ELP4: variants seen among roughly 807,000 people sequenced by gnomAD.
ELP4 encodes the protein elongator complex protein 4.
Under a neutral mutation model 48.9 loss-of-function variants are expected in ELP4, and 51 were observed. That is an observed-to-expected ratio of 1.04 (90% CI 0.83 to 1.32). ELP4 has a LOEUF of 1.32. Ranked by LOEUF, ELP4 falls within the 40% of genes most tolerant of loss-of-function variation. ELP4 has a pLI of 0.00. For synonymous variants in ELP4, 210 were observed against 189.2 expected, an observed-to-expected ratio of 1.11 and a Z score of -0.90; for missense variants, 519 against 514.6, an observed-to-expected ratio of 1.01 and a Z score of -0.08.
At chr11:31,697,187 C>A (rs538357736) in intron 9 of ELP4, among the ~76,000 whole-genome samples, 1 of 152,132 alleles carries the variant, frequency 6.6e-6, no homozygotes, top group South Asian at 2.1e-4. Flanking sequence ...TACAAAGAGA[C>A]TTAGACTCCC....
intron 9 of ELP4, among the ~76,000 whole-genome samples, chr11:31,743,786 A>G (rs1376657395): frequency 5.9e-5 from 9 of 152,120 alleles, no homozygotes; most frequent in South Asian, 2.1e-4. Flanking sequence ...ATGCCCACAA[A>G]AGAAAGCAGG....
rs181866190 is a variant in ELP4 at position 31,591,218 on chromosome 11, A to G, written c.382-3552A>G. Among the ~76,000 whole-genome samples the G allele has an allele frequency of 4.0e-3, 609 of 152,042 alleles. 5 individuals are homozygous for G. Among genetic ancestry groups the G allele is most frequent in the Non-Finnish European group, 4.3e-3 (294 of 67,972 alleles). ...TCAGGAGATTGAAACTATCCTGGCT[A>G]ACATGGTGAAACCCTGTCTCCACTA... On this transcript the variant is annotated intron_variant, in intron 3 of 9. Coordinates refer to ENST00000640961, the MANE Select transcript of ELP4 (RefSeq NM_019040.5).
intron 9 of ELP4, among the ~76,000 whole-genome samples, chr11:31,738,018 G>T (rs79629709): frequency 6.6e-6 from 1 of 152,000 alleles, no homozygotes; most frequent in Admixed American, 6.6e-5. Context: ...ATCCATAATA[G>T]CCAAGAGGTG....
rs375770538 is a variant in ELP4, at chr11:31,618,256, A to G, written c.654-8854A>G. Among the ~76,000 whole-genome samples the G allele has an allele frequency of 3.9e-4, 60 of 152,256 alleles. No homozygotes were observed. In the South Asian group the frequency reaches 0.012, roughly 31 times the overall value. ...GTCTGTTTTGTGCTGCTATAACACA[A>G]TACCGTAGACTAAGTAATGTATAAA... On this transcript the variant is annotated intron_variant, in intron 5 of 9. Coordinates refer to ENST00000640961, the MANE Select transcript of ELP4 (RefSeq NM_019040.5).
At chr11:31,566,094 A>T (rs746515505) in intron 3 of ELP4, among the ~76,000 whole-genome samples, 1 of 152,084 alleles carries the variant, frequency 6.6e-6, no homozygotes, top group Non-Finnish European at 1.5e-5. Context: ...TAAGGCTCAT[A>T]TAAGTGTAAT....
In ELP4 at chr11:31,603,806, T is replaced by C. The variant is rs1230963835; in HGVS notation, c.552T>C (p.Tyr184=). The C allele has an allele frequency of 1.2e-6, 2 of 1,611,218 alleles. No individual in the cohort carries two copies. The highest frequency in any genetic ancestry group is 1.1e-5 in the South Asian group (1 of 90,822). Residue 184 remains tyrosine, a synonymous_variant, in exon 5 of 10, where the codon TAT becomes TAC. Transcript: ENST00000640961. The part of the protein sequence containing the change: ...PVSSSRFGHY[Y]DASKRMPQEL... ...CATCTTCAAGATTTGGTCACTATTA[T>C]GATGCATCAAAAAGAATGCCACAAG...
At chr11:31,576,621 T>C (rs889131494) in intron 3 of ELP4, among the ~76,000 whole-genome samples, 4 of 152,114 alleles carry the variant, frequency 2.6e-5, no homozygotes, top group South Asian at 4.1e-4. Context: ...CAAACTAGAA[T>C]GCAGGATTAA....
intron 3 of ELP4, among the ~76,000 whole-genome samples, chr11:31,586,683 C>A (rs1957479273): frequency 6.6e-6 from 1 of 152,004 alleles, no homozygotes; most frequent in South Asian, 2.1e-4. Flanking sequence ...GCTCTGTCAC[C>A]CAGGCTGGAG....
At chr11:31,541,702 T>C (rs1956593518) in intron 3 of ELP4, among the ~76,000 whole-genome samples, 1 of 152,234 alleles carries the variant, frequency 6.6e-6, no homozygotes, top group African/African-American at 2.4e-5. Flanking sequence ...ACACATTAAT[T>C]TCAAAACTAA....
At chr11:31,682,928 G>A (rs971311720) in intron 9 of ELP4, among the ~76,000 whole-genome samples, 1 of 152,016 alleles carries the variant, frequency 6.6e-6, no homozygotes, top group African/African-American at 2.4e-5. Context: ...CCATTTGACG[G>A]TAAGTTTCTT....
intron 2 of ELP4, among the ~76,000 whole-genome samples, chr11:31,529,397 T>C (rs537207857): frequency 6.6e-6 from 1 of 152,262 alleles, no homozygotes; most frequent in African/African-American, 2.4e-5. Context: ...GTCACTGCTG[T>C]TACCAGGCAA....
chr11:31,522,204 C>G (rs1415482738), intron 2 of ELP4, among the ~76,000 whole-genome samples: 1 of 152,046 alleles, frequency 6.6e-6, no homozygotes, highest in Non-Finnish European at 1.5e-5. Flanking sequence ...ATTTTTAAGA[C>G]TATATCTTAT....
chr11:31,702,348 CAAT>C (rs1946543932), intron 9 of ELP4, among the ~76,000 whole-genome samples: 1 of 132,820 alleles, frequency 7.5e-6, no homozygotes, highest in African/African-American at 2.8e-5. Flanking sequence ...ATAATAATAA[CAAT>C]AATAATTAGG....
chr11:31,763,996 A>G (rs1947998280), intron 9 of ELP4, among the ~76,000 whole-genome samples: 1 of 152,154 alleles, frequency 6.6e-6, no homozygotes, highest in African/African-American at 2.4e-5. Context: ...TATTGTCAGA[A>G]ATGAAGTTTC....
At chr11:31,730,246 T>C (rs1308312851) in intron 9 of ELP4, among the ~76,000 whole-genome samples, 1 of 152,266 alleles carries the variant, frequency 6.6e-6, no homozygotes, top group African/African-American at 2.4e-5. Context: ...CATTTATTTC[T>C]CACAATCTTG....
chr11:31,601,148 GATA>G (rs1162550981), intron 4 of ELP4, among the ~76,000 whole-genome samples: 4 of 150,376 alleles, frequency 2.7e-5, no homozygotes, highest in Admixed American at 1.3e-4. Context: ...TTTTGTAGAT[GATA>G]ATTATTTTAT....
Position 31,787,966 on chromosome 11 carries a change from G to A in ELP4, c.*4442G>A, listed in dbSNP as rs1056126972. 1.8e-5 allele frequency: 4 copies of A among 222,170 alleles called. No homozygotes were observed. Among genetic ancestry groups the A allele is most frequent in the East Asian group, 6.5e-5 (1 of 15,284 alleles). 13.8% of individuals were successfully genotyped at this position (222,170 alleles called of 1,614,324 possible). ...TTTGTCCCCAGAGGTTTCTGCATGTGCAAGCATTTTAATCTAGACTGCCAG... is the reference window on the plus strand; with the variant it reads ...TTTGTCCCCAGAGGTTTCTGCATGTACAAGCATTTTAATCTAGACTGCCAG... On this transcript the variant is annotated 3_prime_UTR_variant, in exon 10 of 10. Coordinates refer to ENST00000640961, the MANE Select transcript of ELP4 (RefSeq NM_019040.5).
At chr11:31,531,574 C>T (rs1473334297) in intron 2 of ELP4, among the ~76,000 whole-genome samples, 2 of 152,050 alleles carry the variant, frequency 1.3e-5, no homozygotes, top group Non-Finnish European at 2.9e-5. Flanking sequence ...ATACAAGGGT[C>T]CTGAGGCAAG....
chr11:31,693,602 A>C (rs1411787564), intron 9 of ELP4, among the ~76,000 whole-genome samples: 1 of 152,126 alleles, frequency 6.6e-6, no homozygotes, highest in East Asian at 1.9e-4. Flanking sequence ...TCCTATTGTG[A>C]ATAGTGGTGC....
Sources: gnomAD v4.1 joint callset for allele counts (sites outside exome capture counted in the v4.1 genomes callset) on GRCh38, gnomAD v4.1.1 for gene constraint, MANE v1.5 for transcripts, NCBI Gene and HGNC (gene_info 2026-07-23, HGNC 2026-07-21) for gene names.